The following MAPK4 variants were observed in gnomAD, a reference collection of about 807,000 sequenced individuals.
MAPK4 encodes Erk3-related.
MAPK4 carries 22 observed loss-of-function variants against 47.7 expected under a neutral mutation model. That is an observed-to-expected ratio of 0.46 (90% confidence interval 0.33 to 0.66). MAPK4 has a LOEUF of 0.66. MAPK4 is among the 30% of genes least tolerant of loss of function. The probability of loss-of-function intolerance (pLI) is 0.02; values close to 1 mark genes in which losing one functional copy is unlikely to be tolerated. For synonymous variants in MAPK4, 390 were observed against 365.7 expected (o/e 1.07, Z -0.76); for missense variants, 736 against 831.7 (o/e 0.88, Z 1.42).
chr18:50,580,526 A>C (rs757883024), intron 1 of MAPK4, among the ~76,000 whole-genome samples: 2 of 152,194 alleles, frequency 1.3e-5, no homozygotes, highest in African/African-American at 2.4e-5. Flanking sequence ...GTTGCTAAAA[A>C]TGTTTGTACA....
chr18:50,613,287 G>A (rs989539503), intron 1 of MAPK4, among the ~76,000 whole-genome samples: 43 of 152,320 alleles, frequency 2.8e-4, no homozygotes, highest in African/African-American at 8.2e-4. Flanking sequence ...GCACACAGCC[G>A]TGTGTGAGAG....
At chr18:50,602,711 C>A (rs777106578) in intron 1 of MAPK4, among the ~76,000 whole-genome samples, 2 of 152,026 alleles carry the variant, frequency 1.3e-5, no homozygotes, top group Non-Finnish European at 2.9e-5. Context: ...ATTGGTGTGA[C>A]GAGTGATGTT....
At chr18:50,638,966 A>C (rs2042913783) in intron 1 of MAPK4, among the ~76,000 whole-genome samples, 1 of 152,220 alleles carries the variant, frequency 6.6e-6, no homozygotes, top group Non-Finnish European at 1.5e-5. Flanking sequence ...GTTCCAAGCC[A>C]GGTCTGCTTA....
Position 50,663,874 on chromosome 18 carries a change from T to C in MAPK4, c.-85T>C. The C allele has an allele frequency of 8.3e-7, 1 of 1,198,328 alleles. No individual in the cohort carries two copies. The highest frequency in any genetic ancestry group is 1.2e-6 in the Non-Finnish European group (1 of 845,180). The allele number at this position is 1,198,328 out of a possible 1,614,324, so 74.2% of individuals were successfully genotyped here. On this transcript the variant is annotated 5_prime_UTR_variant, in exon 2 of 6. Transcript: ENST00000400384. ...AGCCGTGGGACTTGACAGAATGAGGTGCGCGAGGGAGGCCGCTAGCCGAGA... is the reference window on the plus strand; with the variant it reads ...AGCCGTGGGACTTGACAGAATGAGGCGCGCGAGGGAGGCCGCTAGCCGAGA...
chr18:50,673,986 T>C (rs190345384), intron 2 of MAPK4, among the ~76,000 whole-genome samples: 25 of 152,326 alleles, frequency 1.6e-4, no homozygotes, highest in Admixed American at 9.2e-4. Context: ...CTGTATGTAA[T>C]GTGTCTTTTT....
rs985172743 is a variant in MAPK4, at chr18:50,729,023, C to G, written c.1068-135C>G. The G allele has an allele frequency of 8.1e-6, 6 of 742,990 alleles. No homozygotes were observed. In the African/African-American group the frequency reaches 1.0e-4, roughly 13 times the overall value. 46.0% of individuals were successfully genotyped at this position (742,990 alleles called of 1,614,324 possible). Reference sequence around the variant, plus strand: ...CCCCCAAGGCTCGCCATTACCTGTCCATCACCCTCCCACCTTGAGGGATGG... The same window carrying G: ...CCCCCAAGGCTCGCCATTACCTGTCGATCACCCTCCCACCTTGAGGGATGG... On this transcript the variant is annotated intron_variant, in intron 5 of 5. Transcript: ENST00000400384.
At chr18:50,625,882 GCACACACACACACACACACACACA>G (rs58870306) in intron 1 of MAPK4, among the ~76,000 whole-genome samples, 1 of 145,448 alleles carries the variant, frequency 6.9e-6, no homozygotes, top group African/African-American at 2.6e-5. Flanking sequence ...GTGTGTGTAT[GCACACACACACACACACACACACA>G]CACACACACA....
chr18:50,700,733 G>T (rs181222159), intron 2 of MAPK4, among the ~76,000 whole-genome samples: 2 of 152,124 alleles, frequency 1.3e-5, no homozygotes, highest in Admixed American at 1.3e-4. Context: ...AAACCCTCTC[G>T]GGTGCATTGC....
intron 5 of MAPK4, 102 bp downstream of exon 5, chr18:50,726,277 T>G (rs1363084890): frequency 7.1e-6 from 8 of 1,130,754 alleles, no homozygotes; most frequent in Admixed American, 2.0e-5. Flanking sequence ...CCAAGTTGCA[T>G]AGCTCATTGG....
At chr18:50,688,750 G>C (rs1319019744) in intron 2 of MAPK4, among the ~76,000 whole-genome samples, 1 of 151,990 alleles carries the variant, frequency 6.6e-6, no homozygotes, top group Non-Finnish European at 1.5e-5. Flanking sequence ...GGGTGGGAGG[G>C]GGGTGAGGGA....
At chr18:50,705,714 C>T (rs1005907792) in intron 2 of MAPK4, 8 of 152,178 alleles carry the variant, frequency 5.3e-5, no homozygotes, top group African/African-American at 7.2e-5. Flanking sequence ...CAGAGACCAA[C>T]GTCTCATGTC....
chr18:50,560,573 C>T (rs11660068), intron 1 of MAPK4: 61,664 of 152,434 alleles, frequency 0.4, 13,411 homozygotes, highest in Non-Finnish European at 0.49. Flanking sequence ...GGGCCGGGCG[C>T]CGCTAGGGGA....
chr18:50,580,270 G>C (rs560074170), intron 1 of MAPK4, among the ~76,000 whole-genome samples: 15 of 152,304 alleles, frequency 9.8e-5, no homozygotes, highest in African/African-American at 3.4e-4. Flanking sequence ...TCAAGCAATA[G>C]GTCACCTTTG....
chr18:50,702,663 C>A (rs1359145707), intron 2 of MAPK4, among the ~76,000 whole-genome samples: 1 of 152,090 alleles, frequency 6.6e-6, no homozygotes. Context: ...CAAGATCCAC[C>A]CTGGCCCCTT....
At chr18:50,682,919 A>G (rs923797980) in intron 2 of MAPK4, among the ~76,000 whole-genome samples, 12 of 152,252 alleles carry the variant, frequency 7.9e-5, no homozygotes, top group African/African-American at 2.4e-4. Context: ...ACCATTCACA[A>G]CACTACAGAT....
At chr18:50,571,949 T>G (rs1407045608) in intron 1 of MAPK4, among the ~76,000 whole-genome samples, 1 of 152,124 alleles carries the variant, frequency 6.6e-6, no homozygotes, top group Non-Finnish European at 1.5e-5. Flanking sequence ...AACAGAGAAG[T>G]TCAGAAATCT....
At chr18:50,704,349 A>C (rs1037088517) in intron 2 of MAPK4, among the ~76,000 whole-genome samples, 1 of 152,188 alleles carries the variant, frequency 6.6e-6, no homozygotes, top group Non-Finnish European at 1.5e-5. Context: ...TCTCTACAGA[A>C]AACACAAAAA....
At chr18:50,586,524 A>G (rs1283411446) in intron 1 of MAPK4, among the ~76,000 whole-genome samples, 1 of 151,960 alleles carries the variant, frequency 6.6e-6, no homozygotes, top group Non-Finnish European at 1.5e-5. Flanking sequence ...TTTACTAGGT[A>G]CATAGAGTTG....
intron 2 of MAPK4, among the ~76,000 whole-genome samples, chr18:50,667,489 C>T (rs1193344768): frequency 6.6e-6 from 1 of 152,200 alleles, no homozygotes; most frequent in Non-Finnish European, 1.5e-5. Flanking sequence ...ACATCTGGGG[C>T]ATGCATCTGC....
Sources: gnomAD v4.1 joint callset for allele counts (sites outside exome capture counted in the v4.1 genomes callset) on GRCh38, gnomAD v4.1.1 for gene constraint, MANE v1.5 for transcripts, NCBI Gene and HGNC (gene_info 2026-07-23, HGNC 2026-07-21) for gene names.